ZSCAN5A: variants seen among roughly 807,000 people sequenced by gnomAD.
The protein encoded by ZSCAN5A is zinc finger and SCAN domain containing 5A.
ZSCAN5A carries 12 observed loss-of-function variants against 23.7 expected under a neutral mutation model. The observed-to-expected ratio is 0.51, with a 90% CI of 0.32 to 0.82. ZSCAN5A has a LOEUF of 0.82. ZSCAN5A is among the 40% of genes least tolerant of loss of function. The pLI, the probability that ZSCAN5A is intolerant of heterozygous loss-of-function variation, is 0.03. For missense variants in ZSCAN5A, 597 were observed against 617.9 expected, an observed-to-expected ratio of 0.97 and a Z score of 0.36; for synonymous variants, 257 against 239.9, an observed-to-expected ratio of 1.07 and a Z score of -0.66.
intron 4 of ZSCAN5A, 67 bp downstream of exon 4, chr19:56,223,564 C>T (rs745566702): frequency 2.5e-5 from 38 of 1,530,150 alleles, no homozygotes; most frequent in Non-Finnish European, 3.1e-5. Context: ...ATCAGTCCAG[C>T]GGCCACACGA....
At chr19:56,302,181 G>A (rs756203384) in intron 2 of ZSCAN5A, 49 of 1,056,972 alleles carry the variant, frequency 4.6e-5, no homozygotes, top group Non-Finnish European at 5.7e-5. Flanking sequence ...AGCGAAGGAG[G>A]GTGCCTCAGA....
chr19:56,318,659 A>G (rs755305970), upstream of ZSCAN5A, among the ~76,000 whole-genome samples: 1 of 152,240 alleles, frequency 6.6e-6, no homozygotes, highest in Non-Finnish European at 1.5e-5. Flanking sequence ...TTACAGATAC[A>G]TAAGAGAAAA....
At chr19:56,339,121 T>C (rs991291071) in intron 2 of ZSCAN5A, among the ~76,000 whole-genome samples, 7 of 152,286 alleles carry the variant, frequency 4.6e-5, no homozygotes, top group Non-Finnish European at 1.0e-4. Flanking sequence ...AAACCTTTTC[T>C]GTAAAGGGTA....
chr19:56,252,733 T>A (rs546527761), intron 2 of ZSCAN5A, among the ~76,000 whole-genome samples: 1 of 152,334 alleles, frequency 6.6e-6, no homozygotes, highest in Non-Finnish European at 1.5e-5. Flanking sequence ...CCTCAACGTC[T>A]GGGTGAGGCC....
At chr19:56,255,227 A>G (rs966767411) in intron 2 of ZSCAN5A, among the ~76,000 whole-genome samples, 30 of 152,258 alleles carry the variant, frequency 2.0e-4, no homozygotes, top group Non-Finnish European at 4.1e-4. Flanking sequence ...AAGCTTTTGA[A>G]TAATATTTAG....
At chr19:56,318,076 A>G (rs1389552785), upstream of ZSCAN5A, 1 of 152,182 alleles carries the variant, frequency 6.6e-6, no homozygotes, top group Non-Finnish European at 1.5e-5. Context: ...CATTGCCCAG[A>G]GCTCTCACCA....
chr19:56,242,157 G>A (rs8106457), intron 2 of ZSCAN5A, among the ~76,000 whole-genome samples: 48,292 of 150,356 alleles, frequency 0.32, 8,061 homozygotes, highest in Non-Finnish European at 0.4. Context: ...ATCCCAGCAC[G>A]GGGCGCAGAG....
At chr19:56,261,003 T>G (rs1600120300) in intron 2 of ZSCAN5A, among the ~76,000 whole-genome samples, 1 of 149,304 alleles carries the variant, frequency 6.7e-6, no homozygotes, top group African/African-American at 2.5e-5. Flanking sequence ...AGGTCAGGAG[T>G]TCAAGACCAG....
At chr19:56,270,989 AG>A (rs2037806698) in intron 2 of ZSCAN5A, among the ~76,000 whole-genome samples, 1 of 152,230 alleles carries the variant, frequency 6.6e-6, no homozygotes, top group Non-Finnish European at 1.5e-5. Flanking sequence ...CTGGCAGAGC[AG>A]ATAATGCTAA....
rs2041671160 is a variant in ZSCAN5A, at chr19:56,352,095, TTTG to T, written c.-358+11137_-358+11139del. On this transcript the variant is annotated intron_variant, in intron 2 of 6. Coordinates refer to the ZSCAN5A transcript ENST00000587340. The surrounding 1 kb of genome is among the most constrained non-coding windows in gnomAD (Gnocchi z 4.2). ...GCTTTGGTGGATAGTGTGGGGTTTT[TTTG>T]TTTGTTTGTTTCTTTGTTTTTGAGA... 3.9e-5 allele frequency among the ~76,000 whole-genome samples: 6 copies of T among 151,960 alleles called. No individual in the cohort carries two copies. The highest frequency in any genetic ancestry group is 7.3e-5 in the African/African-American group (3 of 41,344).
rs201225377 is a variant in ZSCAN5A, at chr19:56,223,726, G to A, written c.493C>T (p.Arg165Trp). The A allele has an allele frequency of 3.3e-4, 534 of 1,613,894 alleles. 1 individual carries two copies. Among genetic ancestry groups the A allele is most frequent in the South Asian group, 8.2e-4 (75 of 91,062 alleles). Residue 165 changes from arginine (R) to tryptophan (W), a missense_variant, in exon 4 of 6, where the codon CGG becomes TGG. By Grantham distance (101) the Arg-to-Trp change is moderately radical. This residue lies in a region of ZSCAN5A where 406 missense variants were observed against 353.2 expected (regional missense o/e 1.15). Coordinates refer to ENST00000683990, the MANE Select transcript of ZSCAN5A (RefSeq NM_001322064.3). The stretch of plus-strand genomic sequence containing the variant: ...CGCATCTGGTTCACCGAGGAGGCCC[G>A]TTGGCTGGACACGTCTTTCAGATCA... ...RDDLKDVSSQ[R>W]ASSVNQMRPG... is the part of the protein sequence containing the mutation.
intron 2 of ZSCAN5A, chr19:56,321,033 T>G: frequency 1.4e-6 from 1 of 703,282 alleles, no homozygotes; most frequent in East Asian, 2.7e-5. Flanking sequence ...TAATAAGACT[T>G]CTCTCACTGA....
intron 2 of ZSCAN5A, chr19:56,244,363 C>A: frequency 6.3e-7 from 1 of 1,589,240 alleles, no homozygotes; most frequent in South Asian, 1.1e-5. Context: ...TCAAGGTGAA[C>A]GGTGTGCAGA....
intron 2 of ZSCAN5A, among the ~76,000 whole-genome samples, chr19:56,271,842 A>G (rs1306768077): frequency 2.0e-5 from 3 of 152,212 alleles, no homozygotes; most frequent in Non-Finnish European, 4.4e-5. Flanking sequence ...TTATTCCAGG[A>G]GTCCAGAGGG....
intron 2 of ZSCAN5A, among the ~76,000 whole-genome samples, chr19:56,284,489 T>C (rs2038953849): frequency 9.8e-6 from 1 of 101,550 alleles, no homozygotes; most frequent in Admixed American, 1.1e-4. Context: ...GAAATTAGAT[T>C]AGAGACAAGT....
intron 2 of ZSCAN5A, among the ~76,000 whole-genome samples, chr19:56,360,853 C>A (rs975954905): frequency 1.3e-5 from 2 of 152,068 alleles, no homozygotes; most frequent in African/African-American, 4.8e-5. Context: ...TCTAATTAAA[C>A]CAAAGAGCTT....
chr19:56,228,118 TG>T, intron 2 of ZSCAN5A: 2 of 502,722 alleles, frequency 4.0e-6, no homozygotes, highest in Non-Finnish European at 5.1e-6. Flanking sequence ...GAGTTAATCA[TG>T]GGGTGCAAAG....
chr19:56,251,430 G>C (rs1415203828), intron 2 of ZSCAN5A, among the ~76,000 whole-genome samples: 1 of 152,104 alleles, frequency 6.6e-6, no homozygotes, highest in African/African-American at 2.4e-5. Flanking sequence ...TCTGCATTGA[G>C]AAGCTGTATC....
intron 2 of ZSCAN5A, among the ~76,000 whole-genome samples, chr19:56,279,079 A>C (rs1372553567): frequency 6.6e-6 from 1 of 152,226 alleles, no homozygotes; most frequent in African/African-American, 2.4e-5. Context: ...TTTCAGCAGA[A>C]GACGGATGGA....
Sources: gnomAD v4.1 joint callset for allele counts (sites outside exome capture counted in the v4.1 genomes callset) on GRCh38, gnomAD v4.1.1 for gene constraint, gnomAD v4.1.1 regional missense constraint, Gnocchi (gnomAD v3.1) non-coding constraint, MANE v1.5 for transcripts, NCBI Gene and HGNC (gene_info 2026-07-23, HGNC 2026-07-21) for gene names.